Variants in PHACTR4 observed in about 807,000 individuals in gnomAD.
PHACTR4 encodes phosphatase and actin regulator 4.
In PHACTR4, 51 loss-of-function variants were observed where a neutral mutation model predicts 72.7. The ratio of observed to expected loss-of-function variants is 0.70; its 90% CI spans 0.56 to 0.89. PHACTR4 has a LOEUF of 0.89. Ranked by LOEUF, PHACTR4 falls within the 40% of genes least tolerant of loss-of-function variation. The pLI, the probability that PHACTR4 is intolerant of heterozygous loss-of-function variation, is 0.00. For synonymous variants in PHACTR4, 255 were observed against 302.5 expected, an observed-to-expected ratio of 0.84 and a Z score of 1.63; for missense variants, 731 against 861.8, an observed-to-expected ratio of 0.85 and a Z score of 1.90.
At position 28,489,169 on chromosome 1, in the gene PHACTR4, G is replaced by C; in HGVS notation, c.1761-1G>C. The C allele has an allele frequency of 6.2e-7, 1 of 1,610,822 alleles. No homozygotes were observed. Among genetic ancestry groups the C allele is most frequent in the Non-Finnish European group, 8.5e-7 (1 of 1,178,224 alleles). On this transcript the variant is annotated splice_acceptor_variant, in intron 9 of 13. Coordinates refer to ENST00000373839, the MANE Select transcript of PHACTR4 (RefSeq NM_001048183.3). LOFTEE classifies it high-confidence loss of function. Reference sequence around the variant, plus strand: ...ATTACCTTTATTTATCTCATTTTTAGGCGACTGAGTCAAAGACCAACACCA... The same window carrying C: ...ATTACCTTTATTTATCTCATTTTTACGCGACTGAGTCAAAGACCAACACCA...
At chr1:28,476,382 C>G in intron 8 of PHACTR4, 91 bp downstream of exon 8, 2 of 1,297,376 alleles carry the variant, frequency 1.5e-6, no homozygotes, top group South Asian at 3.3e-5. Context: ...GATATGGAAA[C>G]AGGTACCTTC....
chr1:28,487,387 A>AAAAT (rs893057184), intron 9 of PHACTR4, among the ~76,000 whole-genome samples: 11 of 151,688 alleles, frequency 7.3e-5, no homozygotes, highest in African/African-American at 2.7e-4. Context: ...AAATAAAATA[A>AAAAT]AAATAAATAA....
Position 28,473,787 on chromosome 1 carries a change from C to G in PHACTR4, c.1057C>G (p.Pro353Ala). The G allele has an allele frequency of 6.2e-7, 1 of 1,614,062 alleles. No homozygotes were observed. The highest frequency in any genetic ancestry group is 8.5e-7 in the Non-Finnish European group (1 of 1,180,030). The stretch of plus-strand genomic sequence containing the variant: ...CCCCCCACTGCCTACTCATATACCT[C>G]CAGAGCCTCCACGCACCCCTCCATT... The part of the protein sequence containing the change: ...PSPPLPTHIP[P>A]EPPRTPPFPA... The change falls in exon 7 of 14, where the codon CCA becomes GCA. Residue 353 changes from proline (P) to alanine (A), a missense_variant. Pro to Ala is a conservative substitution (Grantham distance 27). This residue lies in a region of PHACTR4 where 621 missense variants were observed against 676.6 expected (regional missense o/e 0.92). Coordinates refer to ENST00000373839, the MANE Select transcript of PHACTR4 (RefSeq NM_001048183.3).
Position 28,466,742 on chromosome 1 carries a change from C to G in PHACTR4, c.797C>G (p.Ala266Gly). 6.2e-7 allele frequency: 1 copy of G among 1,611,932 alleles called. No individual in the cohort carries two copies. Among genetic ancestry groups the G allele is most frequent in the Non-Finnish European group, 8.5e-7 (1 of 1,178,566 alleles). ...KQPPIPPPKP[A>G]HRNSNPVIAE... ...CCCCCTATCCCTCCCCCTAAACCAGCTCACAGAAATAGCAACCCTGTCATT... is the reference window on the plus strand; with the variant it reads ...CCCCCTATCCCTCCCCCTAAACCAGGTCACAGAAATAGCAACCCTGTCATT... The change falls in exon 6 of 14, where the codon GCT becomes GGT. Residue 266 changes from alanine (A) to glycine (G), a missense_variant. Ala to Gly is a moderately conservative substitution (Grantham distance 60, BLOSUM62 0). Around this residue, in one of 2 missense-constraint regions of PHACTR4, gnomAD observed 621 missense variants for 676.6 expected, o/e 0.92. Transcript: ENST00000373839.
chr1:28,450,490 C>T (rs1474769665), intron 2 of PHACTR4, among the ~76,000 whole-genome samples: 1 of 152,154 alleles, frequency 6.6e-6, no homozygotes, highest in Non-Finnish European at 1.5e-5. Flanking sequence ...GGCGTATGAA[C>T]AGTTTCAGGC....
Position 28,489,214 on chromosome 1 carries a change from A to G in PHACTR4, c.1805A>G (p.Asn602Ser). Residue 602 changes from asparagine to serine, a missense_variant, in exon 10 of 14, where the codon AAT becomes AGT. Asn to Ser is a conservative substitution (Grantham distance 46, BLOSUM62 1). This residue lies in a region of PHACTR4 where 110 missense variants were observed against 185.2 expected (regional missense o/e 0.59). Transcript: ENST00000373839. ...RPTPEELEQR[N>S]ILQPKNEADR... ...ACACCAGAAGAACTAGAACAACGCAATATATTGCAACGTGAGTCCAGTTAT... is the reference window on the plus strand; with the variant it reads ...ACACCAGAAGAACTAGAACAACGCAGTATATTGCAACGTGAGTCCAGTTAT... 2 of 1,612,026 alleles carry G rather than the reference A, an allele frequency of 1.2e-6. No homozygotes were observed. The highest frequency in any genetic ancestry group is 1.7e-6 in the Non-Finnish European group (2 of 1,178,596).
chr1:28,426,522 G>A (rs1192325955), intron 2 of PHACTR4, among the ~76,000 whole-genome samples: 1 of 151,966 alleles, frequency 6.6e-6, no homozygotes, highest in African/African-American at 2.4e-5. Flanking sequence ...CAATTAGCCA[G>A]GCGTGGTGGT....
chr1:28,453,409 C>T (rs904859149), intron 2 of PHACTR4: 14 of 253,054 alleles, frequency 5.5e-5, no homozygotes, highest in African/African-American at 2.2e-4. Flanking sequence ...AAGTTGAAAA[C>T]GAAAAAAAGA....
rs1557833657 is a variant in PHACTR4, at chr1:28,465,796, G to C, written c.383G>C (p.Arg128Thr). ...GTCCAAGTAGAGGAAGAGCCAGTAA[G>C]ATTAGCAAGTCTTAGGAAAGCTATT... ...SPVQVEEEPV[R>T]LASLRKAIPE... Residue 128 changes from arginine to threonine, a missense_variant, in exon 5 of 14, where the codon AGA becomes ACA. Physicochemically the swap from Arg to Thr is moderately conservative, Grantham distance 71. Coordinates refer to ENST00000373839, the MANE Select transcript of PHACTR4 (RefSeq NM_001048183.3). 6.2e-7 allele frequency: 1 copy of C among 1,609,314 alleles called. No individual in the cohort carries two copies.
At chr1:28,481,845 G>A (rs905377434) in intron 9 of PHACTR4, among the ~76,000 whole-genome samples, 2 of 151,816 alleles carry the variant, frequency 1.3e-5, no homozygotes, top group African/African-American at 4.8e-5. Flanking sequence ...ACACAGTTGG[G>A]TATCCTCTAA....
At chr1:28,474,263 T>A in intron 7 of PHACTR4, 112 bp downstream of exon 7, 1 of 995,368 alleles carries the variant, frequency 1.0e-6, no homozygotes, top group Non-Finnish European at 1.5e-6. Context: ...CCCACACCTG[T>A]AAGCCCAGCA....
intron 1 of PHACTR4, among the ~76,000 whole-genome samples, chr1:28,385,463 G>A (rs1432618213): frequency 6.7e-6 from 1 of 148,636 alleles, no homozygotes; most frequent in Non-Finnish European, 1.5e-5. Context: ...AGAATTGCTT[G>A]AACCTGGAGG....
Position 28,496,768 on chromosome 1 carries a change from C to A in PHACTR4, c.*219C>A. On this transcript the variant is annotated 3_prime_UTR_variant, in exon 14 of 14. Coordinates refer to ENST00000373839, the MANE Select transcript of PHACTR4 (RefSeq NM_001048183.3). ...ACTTTGTCAGTGCTTTTGAACCTTT[C>A]AATATTGTAGCATGCTTGAGGAGTT... The A allele has an allele frequency of 1.7e-6, 1 of 603,440 alleles. No homozygotes were observed. The highest frequency in any genetic ancestry group is 2.9e-6 in the Non-Finnish European group (1 of 340,042). 37.4% of individuals were successfully genotyped at this position (603,440 alleles called of 1,614,324 possible). A position where few individuals can be genotyped will look rare whatever the true frequency, so the allele number is the denominator to read the frequency against.
At chr1:28,432,348 G>A (rs1039821803) in intron 2 of PHACTR4, among the ~76,000 whole-genome samples, 1 of 151,470 alleles carries the variant, frequency 6.6e-6, no homozygotes, top group Non-Finnish European at 1.5e-5. Context: ...TTGGGAAGCT[G>A]AGGCTAGAGG....
intron 2 of PHACTR4, among the ~76,000 whole-genome samples, chr1:28,453,329 A>G (rs917401052): frequency 1.3e-5 from 2 of 152,148 alleles, no homozygotes; most frequent in African/African-American, 2.4e-5. Context: ...CACGGGACCT[A>G]CAACACGTGC....
At chr1:28,418,437 C>T (rs961920858) in intron 2 of PHACTR4, among the ~76,000 whole-genome samples, 54 of 150,334 alleles carry the variant, frequency 3.6e-4, no homozygotes, top group African/African-American at 1.1e-3. Context: ...CTCAAGATTG[C>T]GCCACTGCAC....
intron 9 of PHACTR4, among the ~76,000 whole-genome samples, chr1:28,482,093 T>G (rs914358375): frequency 2.0e-5 from 3 of 151,908 alleles, no homozygotes; most frequent in Non-Finnish European, 2.9e-5. Flanking sequence ...AGATGGGGTT[T>G]CACCATGTTG....
intron 9 of PHACTR4, among the ~76,000 whole-genome samples, chr1:28,488,644 TA>T (rs555424680): frequency 2.5e-3 from 353 of 140,460 alleles, no homozygotes; most frequent in Non-Finnish European, 3.9e-3. Flanking sequence ...CAAAAAATTG[TA>T]AAAAAAAAAA....
At chr1:28,441,605 G>T (rs975995732) in intron 2 of PHACTR4, among the ~76,000 whole-genome samples, 1 of 152,034 alleles carries the variant, frequency 6.6e-6, no homozygotes, top group Admixed American at 6.6e-5. Context: ...TCTATGCTGT[G>T]GTATCCATTC....
Sources: allele counts gnomAD v4.1 joint callset (sites outside exome capture counted in the v4.1 genomes callset), GRCh38; gene constraint gnomAD v4.1.1; regional missense constraint gnomAD v4.1.1; transcripts MANE v1.5; gene names NCBI Gene and HGNC (gene_info 2026-07-23, HGNC 2026-07-21).